The following TRIO variants were observed in gnomAD, a reference collection of about 807,000 sequenced individuals.
The protein encoded by TRIO is trio Rho guanine nucleotide exchange factor.
TRIO carries 58 observed loss-of-function variants against 351.9 expected under a neutral mutation model. The observed-to-expected ratio is 0.16, with a 90% CI of 0.13 to 0.21. The LOEUF is 0.21. TRIO is among the 10% of genes least tolerant of loss of function. The pLI, the probability that TRIO is intolerant of heterozygous loss-of-function variation, is 1.00. For synonymous variants in TRIO, 1,758 were observed against 1,595.7 expected, an observed-to-expected ratio of 1.10 and a Z score of -2.42; for missense variants, 3,201 against 4,027.8, an observed-to-expected ratio of 0.79 and a Z score of 5.56.
At chr5:14,473,265 G>A (rs1223253875) in intron 39 of TRIO, among the ~76,000 whole-genome samples, 1 of 152,178 alleles carries the variant, frequency 6.6e-6, no homozygotes, top group Non-Finnish European at 1.5e-5. Context: ...GTGAGATTAA[G>A]AAACTCAACT....
intron 1 of TRIO, among the ~76,000 whole-genome samples, chr5:14,169,218 TTC>T (rs1788957932): frequency 6.6e-6 from 1 of 151,902 alleles, no homozygotes; most frequent in African/African-American, 2.4e-5. Context: ...TTTTTTACTT[TTC>T]TCTTTTTTAG....
intron 37 of TRIO, 170 bp downstream of exon 37, chr5:14,465,810 C>CA: frequency 3.0e-6 from 2 of 658,356 alleles, no homozygotes; most frequent in Non-Finnish European, 5.4e-6. Context: ...TTGAAGGACT[C>CA]AGAGAACTCA....
chr5:14,487,416 T>C, intron 47 of TRIO, 48 bp from the exon 48 acceptor site: 1 of 1,090,658 alleles, frequency 9.2e-7, no homozygotes, highest in Non-Finnish European at 1.1e-6. Flanking sequence ...CCCCGCGGCG[T>C]GCTCCTTGGC....
At chr5:14,165,893 C>G (rs1271723972) in intron 1 of TRIO, among the ~76,000 whole-genome samples, 1 of 152,188 alleles carries the variant, frequency 6.6e-6, no homozygotes, top group Non-Finnish European at 1.5e-5. Context: ...GGCCGCTAGG[C>G]CCAGATGGAC....
intron 1 of TRIO, among the ~76,000 whole-genome samples, chr5:14,220,927 C>A (rs1184233806): frequency 1.3e-5 from 2 of 152,222 alleles, no homozygotes; most frequent in African/African-American, 4.8e-5. Flanking sequence ...GGCAAAACAG[C>A]CTTCTATTGG....
At chr5:14,175,835 A>C (rs1057379799) in intron 1 of TRIO, among the ~76,000 whole-genome samples, 1 of 152,236 alleles carries the variant, frequency 6.6e-6, no homozygotes, top group African/African-American at 2.4e-5. Flanking sequence ...CTAGACTGCT[A>C]ATGTCCTGGG....
intron 1 of TRIO, among the ~76,000 whole-genome samples, chr5:14,265,428 CTA>C (rs1407854460): frequency 6.6e-6 from 1 of 151,984 alleles, no homozygotes; most frequent in Non-Finnish European, 1.5e-5. Context: ...ATAATAAAAC[CTA>C]TGTTTTACTT....
At chr5:14,355,334 T>A (rs1263655460) in intron 11 of TRIO, among the ~76,000 whole-genome samples, 1 of 152,182 alleles carries the variant, frequency 6.6e-6, no homozygotes, top group African/African-American at 2.4e-5. Context: ...GCCTGTTCAG[T>A]TAATTTAAGT....
rs1294447515 is a variant in TRIO, at chr5:14,508,824, G to A, written c.*402G>A. The A allele has an allele frequency of 1.1e-5, 2 of 175,602 alleles. No homozygotes were observed. Among genetic ancestry groups the A allele is most frequent in the Admixed American group, 5.6e-5 (1 of 17,816 alleles). The allele number at this position is 175,602 out of a possible 1,614,324, so 10.9% of individuals were successfully genotyped here. A position where few individuals can be genotyped will look rare whatever the true frequency, so the allele number is the denominator to read the frequency against. ...GATACTGTGCGTCTCTGGGGAAGACGCACCTAGGTGGCGGCCACTCCCATG... is the reference window on the plus strand; with the variant it reads ...GATACTGTGCGTCTCTGGGGAAGACACACCTAGGTGGCGGCCACTCCCATG... On this transcript the variant is annotated 3_prime_UTR_variant, in exon 57 of 57. Coordinates refer to ENST00000344204, the MANE Select transcript of TRIO (RefSeq NM_007118.4).
chr5:14,181,997 G>A (rs141409037), intron 1 of TRIO, among the ~76,000 whole-genome samples: 2 of 152,100 alleles, frequency 1.3e-5, no homozygotes, highest in Admixed American at 6.5e-5. Flanking sequence ...TCCCTGACTT[G>A]TATTTAAGAA....
At chr5:14,228,120 T>C (rs537602203) in intron 1 of TRIO, among the ~76,000 whole-genome samples, 1 of 152,278 alleles carries the variant, frequency 6.6e-6, no homozygotes, top group Admixed American at 6.5e-5. Flanking sequence ...TAGAGGAAAC[T>C]GTACCTCCAT....
chr5:14,400,399 G>A (rs1380644122), intron 30 of TRIO, among the ~76,000 whole-genome samples: 1 of 152,092 alleles, frequency 6.6e-6, no homozygotes, highest in Admixed American at 6.5e-5. Context: ...GTGGGGGAGG[G>A]GCTGAAGCTA....
intron 1 of TRIO, among the ~76,000 whole-genome samples, chr5:14,266,687 G>GT (rs1246522590): frequency 2.0e-5 from 3 of 152,196 alleles, no homozygotes; most frequent in Non-Finnish European, 4.4e-5. Context: ...GGGAAAGGCA[G>GT]TTTTTTGTGT....
At chr5:14,148,107 T>G (rs1787619518) in intron 1 of TRIO, among the ~76,000 whole-genome samples, 1 of 152,244 alleles carries the variant, frequency 6.6e-6, no homozygotes, top group African/African-American at 2.4e-5. Flanking sequence ...ATTGTATTTT[T>G]TCCCTTTGCA....
At position 14,479,246 on chromosome 5, in the gene TRIO, C is replaced by CT; in HGVS notation, c.6154-9dup. 1 of 1,609,838 alleles carries CT rather than the reference C, an allele frequency of 6.2e-7. No homozygotes were observed. Among genetic ancestry groups the CT allele is most frequent in the Non-Finnish European group, 8.5e-7 (1 of 1,176,570 alleles). ...CCATTGTTATAACCCAACTGTTTGC[C>CT]TTTTTTATTCCTAGGAGAGAAGGTT... On this transcript the variant is annotated splice_polypyrimidine_tract_variant and intron_variant, in intron 41 of 56. Coordinates refer to ENST00000344204, the MANE Select transcript of TRIO (RefSeq NM_007118.4).
Position 14,487,601 on chromosome 5 carries a change from A to G in TRIO, c.6973A>G (p.Ser2325Gly). 8.6e-7 allele frequency: 1 copy of G among 1,164,714 alleles called. No individual in the cohort carries two copies. The highest frequency in any genetic ancestry group is 1.1e-6 in the Non-Finnish European group (1 of 937,116). The allele number at this position is 1,164,714 out of a possible 1,614,324, so 72.1% of individuals were successfully genotyped here. The change falls in exon 48 of 57, where the codon AGC becomes GGC. Residue 2325 changes from serine (S) to glycine (G), a missense_variant. Physicochemically the swap from Ser to Gly is moderately conservative, Grantham distance 56. Transcript: ENST00000344204. ...SGGSGHSGGP[S>G]SCGGAPSTSR... Reference sequence around the variant, plus strand: ...CGGCAGCGGCCACAGTGGCGGCCCCAGCAGCTGCGGCGGCGCCCCCAGCAC... The same window carrying G: ...CGGCAGCGGCCACAGTGGCGGCCCCGGCAGCTGCGGCGGCGCCCCCAGCAC...
intron 1 of TRIO, among the ~76,000 whole-genome samples, chr5:14,154,749 A>G (rs1269408331): frequency 6.6e-6 from 1 of 152,158 alleles, no homozygotes; most frequent in Non-Finnish European, 1.5e-5. Context: ...TGGAGTTTTA[A>G]TATTTCAGTC....
intron 33 of TRIO, among the ~76,000 whole-genome samples, chr5:14,414,459 A>G (rs745588936): frequency 2.6e-5 from 4 of 152,204 alleles, no homozygotes; most frequent in Non-Finnish European, 4.4e-5. Flanking sequence ...TCCGAGATCA[A>G]TCTTCACATC....
intron 36 of TRIO, among the ~76,000 whole-genome samples, chr5:14,463,443 T>C (rs1431232860): frequency 6.6e-6 from 1 of 152,208 alleles, no homozygotes; most frequent in Non-Finnish European, 1.5e-5. Context: ...GTTGTCAAAG[T>C]GTAGGAATCA....
Sources: gnomAD v4.1 joint callset for allele counts (sites outside exome capture counted in the v4.1 genomes callset) on GRCh38, gnomAD v4.1.1 for gene constraint, MANE v1.5 for transcripts, NCBI Gene and HGNC (gene_info 2026-07-23, HGNC 2026-07-21) for gene names.